Variants in ARMC7 observed in about 807,000 individuals in gnomAD.
ARMC7 encodes armadillo repeat containing 7.
ARMC7 carries 9 observed loss-of-function variants against 14.8 expected under a neutral mutation model. That is an observed-to-expected ratio of 0.61 (90% CI 0.37 to 1.06). The LOEUF (loss-of-function observed/expected upper bound fraction) is 1.06. Ranked by LOEUF, ARMC7 falls within the 50% of genes least tolerant of loss-of-function variation. The pLI is 0.01. For missense variants in ARMC7, 262 were observed against 267.1 expected (o/e 0.98, Z 0.13); for synonymous variants, 125 against 123.4 (o/e 1.01, Z -0.09).
intron 2 of ARMC7, among the ~76,000 whole-genome samples, chr17:75,123,543 G>C (rs746083848): frequency 6.6e-6 from 1 of 151,672 alleles, no homozygotes; most frequent in Non-Finnish European, 1.5e-5. Flanking sequence ...TTAGTAGAGA[G>C]GGAGTTTCAC....
chr17:75,110,326 G>A lies in ARMC7; in HGVS notation c.38G>A (p.Arg13Gln). ...CCGAAGGTGGACCCCCACGTCGGGC[G>A]GCTGGGATACCTGCAGGCGCTGGTC... Reference protein sequence around the residue: ...QKPKVDPHVGRLGYLQALVTE... With the variant: ...QKPKVDPHVGQLGYLQALVTE... The change falls in exon 1 of 3, where the codon CGG (arginine) becomes CAG (glutamine). Residue 13 changes from arginine to glutamine, a missense_variant. Transcript: ENST00000245543. The A allele has an allele frequency of 1.2e-6, 2 of 1,613,706 alleles. No individual in the cohort carries two copies.
Position 75,110,266 on chromosome 17 carries a change from G to A in ARMC7, c.-23G>A, listed in dbSNP as rs767427266. 5 of 1,588,566 alleles carry A rather than the reference G, an allele frequency of 3.1e-6. No homozygotes were observed. The South Asian group carries it at 4.6e-5, about 14-fold the overall frequency. On this transcript the variant is annotated 5_prime_UTR_variant, in exon 1 of 3. Coordinates refer to ENST00000245543, the MANE Select transcript of ARMC7 (RefSeq NM_024585.4). ...CTTTCCCACCCTCCCGCCCGTCCCT[G>A]GGGGTCCTCCGTCACCGCGGCCATG... is the stretch of plus-strand genomic sequence containing the variant.
At position 75,110,610 on chromosome 17, in the gene ARMC7, A is replaced by G. The variant is rs1274313859; in HGVS notation, c.235+4A>G. On this transcript the variant is annotated splice_donor_region_variant and intron_variant, in intron 2 of 2. Coordinates refer to ENST00000245543, the MANE Select transcript of ARMC7 (RefSeq NM_024585.4). ...ACCCTGGTGGAGTTTGCTATTGGTA[A>G]GGGCGGGGCCCGTTCCCTAGATGCC... is the stretch of plus-strand genomic sequence containing the variant. 2.5e-6 allele frequency: 4 copies of G among 1,614,110 alleles called. No individual in the cohort carries two copies. The African/African-American group carries it at 4.0e-5, about 16-fold the overall frequency.
intron 2 of ARMC7, among the ~76,000 whole-genome samples, chr17:75,117,807 ACT>A (rs2073983767): frequency 1.3e-5 from 2 of 152,112 alleles, no homozygotes; most frequent in Non-Finnish European, 2.9e-5. Flanking sequence ...CTGAAAAGCA[ACT>A]CAAGGACAGA....
At chr17:75,122,471 C>T (rs760456073) in intron 2 of ARMC7, among the ~76,000 whole-genome samples, 5 of 151,864 alleles carry the variant, frequency 3.3e-5, no homozygotes, top group Non-Finnish European at 7.4e-5. Context: ...AAGCGATTCT[C>T]CTGCCTCAGC....
At position 75,118,724 on chromosome 17, in the gene ARMC7, T is replaced by G. The variant is rs1313842212; in HGVS notation, c.235+8118T>G. Among the ~76,000 whole-genome samples, 3 of 152,182 alleles carry G rather than the reference T, an allele frequency of 2.0e-5. No individual in the cohort carries two copies. The East Asian group carries it at 5.8e-4, about 29-fold the overall frequency. ...GGCTCCTGTTTGGGTGCTGTTGGGATAAAAGCTGCCTCTCCTGGATGCCCG... is the reference window on the plus strand; with the variant it reads ...GGCTCCTGTTTGGGTGCTGTTGGGAGAAAAGCTGCCTCTCCTGGATGCCCG... On this transcript the variant is annotated intron_variant, in intron 2 of 2. Coordinates refer to ENST00000245543, the MANE Select transcript of ARMC7 (RefSeq NM_024585.4).
Position 75,129,366 on chromosome 17 carries a change from T to C in ARMC7, c.*328T>C, listed in dbSNP as rs998125982. ...ACCCAGAGGCTTTGCAGGACAGTGTTCTCAGGAGCTGGGCCTGAGGCTTAG... is the reference window on the plus strand; with the variant it reads ...ACCCAGAGGCTTTGCAGGACAGTGTCCTCAGGAGCTGGGCCTGAGGCTTAG... On this transcript the variant is annotated 3_prime_UTR_variant, in exon 3 of 3. Transcript: ENST00000245543. The C allele has an allele frequency of 1.3e-5, 5 of 388,130 alleles. No individual in the cohort carries two copies. In the Admixed American group the frequency reaches 2.1e-4, roughly 17 times the overall value. 24.0% of individuals were successfully genotyped at this position (388,130 alleles called of 1,614,324 possible). A position where few individuals can be genotyped will look rare whatever the true frequency, so the allele number is the denominator to read the frequency against.
chr17:75,123,986 T>C (rs1231979747), intron 2 of ARMC7, among the ~76,000 whole-genome samples: 2 of 152,194 alleles, frequency 1.3e-5, no homozygotes, highest in Non-Finnish European at 2.9e-5. Flanking sequence ...TACCAAGCAT[T>C]CTAGGAAGCT....
chr17:75,126,722 T>C (rs1021347896), intron 2 of ARMC7, among the ~76,000 whole-genome samples: 1 of 151,868 alleles, frequency 6.6e-6, no homozygotes, highest in Non-Finnish European at 1.5e-5. Flanking sequence ...GCTGGGACTA[T>C]AGGTGTGCTC....
At chr17:75,112,163 G>C (rs923159893) in intron 2 of ARMC7, among the ~76,000 whole-genome samples, 1 of 152,206 alleles carries the variant, frequency 6.6e-6, no homozygotes, top group South Asian at 2.1e-4. Flanking sequence ...TGGGAGGATC[G>C]TTGCAGTGAA....
Position 75,129,223 on chromosome 17 carries a change from C to T in ARMC7, c.*185C>T, listed in dbSNP as rs965283746. 11 of 825,372 alleles carry T rather than the reference C, an allele frequency of 1.3e-5. No homozygotes were observed. Among genetic ancestry groups the T allele is most frequent in the Admixed American group, 1.2e-4 (4 of 33,208 alleles). 51.1% of individuals were successfully genotyped at this position (825,372 alleles called of 1,614,324 possible). A position where few individuals can be genotyped will look rare whatever the true frequency, so the allele number is the denominator to read the frequency against. ...CACTGGGAGTGAGGAAGCCAGACTCCAGAGACACGGAGAAGATCAAACTGG... is the reference window on the plus strand; with the variant it reads ...CACTGGGAGTGAGGAAGCCAGACTCTAGAGACACGGAGAAGATCAAACTGG... On this transcript the variant is annotated 3_prime_UTR_variant, in exon 3 of 3. Transcript: ENST00000245543.
chr17:75,124,438 G>C (rs2074036428), intron 2 of ARMC7, among the ~76,000 whole-genome samples: 1 of 152,196 alleles, frequency 6.6e-6, no homozygotes, highest in Admixed American at 6.5e-5. Context: ...GCGCACCTGG[G>C]TGTGGTGATG....
chr17:75,123,294 C>T (rs545940942), intron 2 of ARMC7, among the ~76,000 whole-genome samples: 3 of 150,734 alleles, frequency 2.0e-5, no homozygotes, highest in Non-Finnish European at 4.4e-5. Context: ...GTGATCCACC[C>T]GCCTCGGCCT....
In ARMC7 at chr17:75,129,148, C is replaced by T. The variant is rs1451087290; in HGVS notation, c.*110C>T. 9 of 1,414,664 alleles carry T rather than the reference C, an allele frequency of 6.4e-6. No homozygotes were observed. The highest frequency in any genetic ancestry group is 8.4e-6 in the Non-Finnish European group (9 of 1,068,016). 87.6% of individuals were successfully genotyped at this position (1,414,664 alleles called of 1,614,324 possible). ...GCCCCATTGGTGCCTTTTCAGCCAT[C>T]TGAAAGGCGGGTTCTTTCAGCAGGA... is the stretch of plus-strand genomic sequence containing the variant. On this transcript the variant is annotated 3_prime_UTR_variant, in exon 3 of 3. Transcript: ENST00000245543.
At chr17:75,119,912 G>C (rs2074001596) in intron 2 of ARMC7, among the ~76,000 whole-genome samples, 1 of 151,002 alleles carries the variant, frequency 6.6e-6, no homozygotes, top group Non-Finnish European at 1.5e-5. Context: ...ACCTCGTTTT[G>C]TTTTGTTTTT....
intron 2 of ARMC7, among the ~76,000 whole-genome samples, chr17:75,123,321 G>A (rs1457652704): frequency 8.7e-5 from 13 of 148,608 alleles, no homozygotes; most frequent in African/African-American, 3.0e-4. Context: ...GTGCTGGGAT[G>A]ACAGGCATGA....
intron 2 of ARMC7, among the ~76,000 whole-genome samples, chr17:75,123,989 A>G (rs1179288280): frequency 6.6e-6 from 1 of 152,168 alleles, no homozygotes; most frequent in Non-Finnish European, 1.5e-5. Flanking sequence ...CAAGCATTCT[A>G]GGAAGCTCCC....
intron 2 of ARMC7, among the ~76,000 whole-genome samples, chr17:75,124,499 G>C (rs2074036840): frequency 6.6e-6 from 1 of 152,226 alleles, no homozygotes; most frequent in Non-Finnish European, 1.5e-5. Context: ...ACTTTACACA[G>C]AGAGAAATCC....
intron 2 of ARMC7, among the ~76,000 whole-genome samples, chr17:75,123,051 A>G: frequency 8.3e-6 from 1 of 120,124 alleles, no homozygotes; most frequent in East Asian, 2.3e-4. Flanking sequence ...TTTTTTTTTA[A>G]TTTTTGAGGT....
Sources: gnomAD v4.1 joint callset for allele counts (sites outside exome capture counted in the v4.1 genomes callset) on GRCh38, gnomAD v4.1.1 for gene constraint, MANE v1.5 for transcripts, NCBI Gene and HGNC (gene_info 2026-07-23, HGNC 2026-07-21) for gene names.